The following CDK19 variants were observed in gnomAD, a reference collection of about 807,000 sequenced individuals.
CDK19 encodes cyclin dependent kinase 19.
Under a neutral mutation model 68.3 loss-of-function variants are expected in CDK19, and 20 were observed. That is an observed-to-expected ratio of 0.29 (90% CI 0.21 to 0.43). The LOEUF is 0.43. Among genes scored for constraint, CDK19 ranks in the 20% least tolerant of loss-of-function variants. The probability of loss-of-function intolerance (pLI) is 1.00; values close to 1 mark genes in which losing one functional copy is unlikely to be tolerated. For missense variants in CDK19, 339 were observed against 623.5 expected, an observed-to-expected ratio of 0.54 and a Z score of 4.86; for synonymous variants, 221 against 222.8, an observed-to-expected ratio of 0.99 and a Z score of 0.07.
At chr6:110,814,949 G>A (rs1427867859) in intron 1 of CDK19, 60 bp downstream of exon 1, 18 of 1,590,354 alleles carry the variant, frequency 1.1e-5, no homozygotes, top group Non-Finnish European at 1.2e-5. Flanking sequence ...CACCCATCCC[G>A]CCAGGTCGCG....
At chr6:110,733,275 C>T (rs967948370) in intron 2 of CDK19, among the ~76,000 whole-genome samples, 11 of 152,112 alleles carry the variant, frequency 7.2e-5, no homozygotes, top group Non-Finnish European at 1.5e-4. Context: ...TTATTAAGTA[C>T]ATCAATTTTC....
At chr6:110,749,649 C>T (rs371562882) in intron 1 of CDK19, among the ~76,000 whole-genome samples, 7 of 151,986 alleles carry the variant, frequency 4.6e-5, no homozygotes, top group East Asian at 1.9e-4. Context: ...CCTGTACCAC[C>T]GCGCCCTCCT....
At chr6:110,646,911 C>T (rs1327788104) in intron 4 of CDK19, among the ~76,000 whole-genome samples, 1 of 152,006 alleles carries the variant, frequency 6.6e-6, no homozygotes, top group Non-Finnish European at 1.5e-5. Flanking sequence ...CCTCGGGCCG[C>T]GTGACCGCCC....
At chr6:110,764,026 T>C (rs1779407611) in intron 1 of CDK19, among the ~76,000 whole-genome samples, 1 of 151,964 alleles carries the variant, frequency 6.6e-6, no homozygotes, top group African/African-American at 2.4e-5. Context: ...AAAAGAAATA[T>C]TAGGTATAAA....
At position 110,610,837 on chromosome 6, in the gene CDK19, T is replaced by A. The variant is rs546428083; in HGVS notation, c.*3698A>T. ...AAGCACATCAAGTTGCATGTCTTAT[T>A]TTCCAACTATTTTTTTCTTTTCTTT... On this transcript the variant is annotated 3_prime_UTR_variant, in exon 13 of 13. Transcript: ENST00000368911. 2 of 152,304 alleles carry A rather than the reference T, an allele frequency of 1.3e-5. No individual in the cohort carries two copies. The highest frequency in any genetic ancestry group is 4.8e-5 in the African/African-American group (2 of 41,576). 9.4% of individuals were successfully genotyped at this position (152,304 alleles called of 1,614,324 possible).
intron 1 of CDK19, among the ~76,000 whole-genome samples, chr6:110,802,465 G>A (rs1302536761): frequency 6.6e-6 from 1 of 152,170 alleles, no homozygotes. Context: ...TTATAAGTGG[G>A]AGCTAAACAA....
At chr6:110,815,737 CT>C (rs1444748817), upstream of CDK19, 3 of 152,598 alleles carry the variant, frequency 2.0e-5, no homozygotes, top group African/African-American at 7.2e-5. Context: ...AAGTGCCTTA[CT>C]CTAGTGGGAA....
chr6:110,784,569 G>A (rs1241906405), intron 1 of CDK19, among the ~76,000 whole-genome samples: 1 of 152,126 alleles, frequency 6.6e-6, no homozygotes, highest in African/African-American at 2.4e-5. Context: ...TGGGAAAGAG[G>A]CTGGTAGTTC....
At chr6:110,729,622 T>C (rs1776601748) in intron 2 of CDK19, among the ~76,000 whole-genome samples, 1 of 148,086 alleles carries the variant, frequency 6.8e-6, no homozygotes, top group African/African-American at 2.5e-5. Context: ...TTTTTTTTTT[T>C]AGTAGAGATG....
chr6:110,747,007 C>T (rs1440910101), intron 1 of CDK19, among the ~76,000 whole-genome samples: 1 of 152,180 alleles, frequency 6.6e-6, no homozygotes, highest in African/African-American at 2.4e-5. Context: ...ACACAAAGGT[C>T]TCAGCTGAAT....
chr6:110,719,993 C>T (rs1196695222), intron 2 of CDK19, among the ~76,000 whole-genome samples: 1 of 126,106 alleles, frequency 7.9e-6, no homozygotes, highest in Non-Finnish European at 1.7e-5. Context: ...CCCACCCCCC[C>T]CCTGCTTCGG....
At chr6:110,638,847 G>T in intron 4 of CDK19, 141 bp from the exon 5 acceptor site, 1 of 558,350 alleles carries the variant, frequency 1.8e-6, no homozygotes, top group South Asian at 2.4e-5. Flanking sequence ...CCTCTACATA[G>T]TTAAAGCATT....
chr6:110,776,039 A>G (rs1368351149), intron 1 of CDK19, among the ~76,000 whole-genome samples: 3 of 152,232 alleles, frequency 2.0e-5, no homozygotes, highest in African/African-American at 7.2e-5. Context: ...CAAGGTTTTT[A>G]AAAATGTTAT....
intron 2 of CDK19, among the ~76,000 whole-genome samples, chr6:110,714,699 T>A (rs769610602): frequency 2.0e-5 from 3 of 151,234 alleles, no homozygotes; most frequent in African/African-American, 7.3e-5. Flanking sequence ...GATTCATATA[T>A]CTTCTTTGGA....
At position 110,785,872 on chromosome 6, in the gene CDK19, C is replaced by T. The variant is rs1188575926; in HGVS notation, c.128+29137G>A. Among the ~76,000 whole-genome samples, 4 of 151,652 alleles carry T rather than the reference C, an allele frequency of 2.6e-5. No individual in the cohort carries two copies. In the East Asian group the frequency reaches 5.8e-4, roughly 22 times the overall value. ...GCACATGCCTGTAATCCCAACTACTCGGGAGCCTGAGGCAGAAGAATCGCT... is the reference window on the plus strand; with the variant it reads ...GCACATGCCTGTAATCCCAACTACTTGGGAGCCTGAGGCAGAAGAATCGCT... On this transcript the variant is annotated intron_variant, in intron 1 of 12. Transcript: ENST00000368911.
At chr6:110,790,986 A>G (rs1413096539) in intron 1 of CDK19, among the ~76,000 whole-genome samples, 2 of 152,126 alleles carry the variant, frequency 1.3e-5, no homozygotes, top group African/African-American at 4.8e-5. Context: ...CCTGGCTAAC[A>G]TGGTGTAACC....
intron 1 of CDK19, among the ~76,000 whole-genome samples, chr6:110,753,857 A>T (rs943333131): frequency 7.2e-5 from 11 of 152,006 alleles, no homozygotes; most frequent in African/African-American, 2.7e-4. Context: ...TAATGCTTCA[A>T]ATCTTATTAA....
rs771739547 is a variant in CDK19, at chr6:110,814,941, C to G, written c.128+68G>C. ...CACGGCCCGACTGGGATCCGACCCACCCATCCCGCCAGGTCGCGGGCAGGG... is the reference window on the plus strand; with the variant it reads ...CACGGCCCGACTGGGATCCGACCCAGCCATCCCGCCAGGTCGCGGGCAGGG... On this transcript the variant is annotated intron_variant, in intron 1 of 12. Transcript: ENST00000368911. 11 of 1,590,900 alleles carry G rather than the reference C, an allele frequency of 6.9e-6. No homozygotes were observed. In the Admixed American group the frequency reaches 1.9e-4, roughly 27 times the overall value.
rs1429658137 is a variant in CDK19, at chr6:110,630,704, G to C, written c.646+1326C>G. On this transcript the variant is annotated intron_variant, in intron 6 of 12. Transcript: ENST00000368911. Reference sequence around the variant, plus strand: ...TAGCCTCTGATCTGCTGCCTTACCAGAGGCCCAGCTGCACAGGTAAGGGTT... The same window carrying C: ...TAGCCTCTGATCTGCTGCCTTACCACAGGCCCAGCTGCACAGGTAAGGGTT... Among the ~76,000 whole-genome samples, 4 of 152,210 alleles carry C rather than the reference G, an allele frequency of 2.6e-5. No homozygotes were observed. The East Asian group carries it at 7.7e-4, about 29-fold the overall frequency.
Sources: gnomAD v4.1 joint callset for allele counts (sites outside exome capture counted in the v4.1 genomes callset) on GRCh38, gnomAD v4.1.1 for gene constraint, MANE v1.5 for transcripts, NCBI Gene and HGNC (gene_info 2026-07-23, HGNC 2026-07-21) for gene names.